EGFLAM: variants seen among roughly 807,000 people sequenced by gnomAD.
EGFLAM encodes pikachurin.
In EGFLAM, 79 loss-of-function variants were observed where a neutral mutation model predicts 113.1. The observed-to-expected ratio is 0.70, with a 90% confidence interval of 0.58 to 0.84. The LOEUF is 0.84. EGFLAM is among the 40% of genes least tolerant of loss of function. EGFLAM has a pLI of 0.00. For synonymous variants in EGFLAM, 504 were observed against 487.6 expected (o/e 1.03, Z -0.44); for missense variants, 1,265 against 1,291.6 (o/e 0.98, Z 0.32).
intron 5 of EGFLAM, among the ~76,000 whole-genome samples, chr5:38,359,111 G>A (rs1209935553): frequency 6.6e-6 from 1 of 152,172 alleles, no homozygotes; most frequent in Non-Finnish European, 1.5e-5. Flanking sequence ...CCCAGGGTAA[G>A]TGCCTTTCTC....
intron 1 of EGFLAM, among the ~76,000 whole-genome samples, chr5:38,265,300 G>T (rs764550026): frequency 3.3e-5 from 5 of 152,160 alleles, no homozygotes; most frequent in Non-Finnish European, 5.9e-5. Flanking sequence ...AGCATCCGAG[G>T]CTGAGGTGGG....
At chr5:38,390,047 G>A (rs375278374) in intron 6 of EGFLAM, among the ~76,000 whole-genome samples, 1 of 152,160 alleles carries the variant, frequency 6.6e-6, no homozygotes, top group African/African-American at 2.4e-5. Flanking sequence ...ATCTTAATAG[G>A]TGCCACATTT....
intron 6 of EGFLAM, among the ~76,000 whole-genome samples, chr5:38,373,798 A>G (rs936270699): frequency 6.6e-6 from 1 of 152,122 alleles, no homozygotes; most frequent in Non-Finnish European, 1.5e-5. Flanking sequence ...TTGCTGGCTC[A>G]GTGGTAGTTA....
chr5:38,400,116 G>A (rs1199336802), intron 6 of EGFLAM: 1 of 152,174 alleles, frequency 6.6e-6, no homozygotes, highest in Non-Finnish European at 1.5e-5. Flanking sequence ...ACAAGACCCA[G>A]AGAGATGAAG....
At chr5:38,349,439 C>T (rs1739557349) in intron 3 of EGFLAM, among the ~76,000 whole-genome samples, 1 of 152,160 alleles carries the variant, frequency 6.6e-6, no homozygotes, top group Admixed American at 6.5e-5. Flanking sequence ...CTGCTTTACA[C>T]ACAGTATCTC....
rs148431357 is a variant in EGFLAM at position 38,416,729 on chromosome 5, T to A, written c.1495-1337T>A. Among the ~76,000 whole-genome samples, 358 of 152,322 alleles carry A rather than the reference T, an allele frequency of 2.4e-3. 2 individuals are homozygous for A. The highest frequency in any genetic ancestry group is 8.0e-3 in the African/African-American group (331 of 41,570). On this transcript the variant is annotated intron_variant, in intron 11 of 21. Coordinates refer to ENST00000322350, the MANE Select transcript of EGFLAM (RefSeq NM_152403.4). Reference sequence around the variant, plus strand: ...GATGGGATCCAGAAGAAGTGAATTCTGAGAATCTTGGTGAAAGAAGCCAAG... The same window carrying A: ...GATGGGATCCAGAAGAAGTGAATTCAGAGAATCTTGGTGAAAGAAGCCAAG...
intron 6 of EGFLAM, among the ~76,000 whole-genome samples, chr5:38,393,903 G>T (rs1740883377): frequency 6.6e-6 from 1 of 152,190 alleles, no homozygotes; most frequent in African/African-American, 2.4e-5. Flanking sequence ...GGAAGAATCA[G>T]GTCACACAAA....
chr5:38,335,368 C>A (rs911587783), intron 1 of EGFLAM, among the ~76,000 whole-genome samples: 1 of 152,122 alleles, frequency 6.6e-6, no homozygotes, highest in Non-Finnish European at 1.5e-5. Flanking sequence ...AATGTACATG[C>A]GTGCTCTGAA....
At position 38,350,616 on chromosome 5, in the gene EGFLAM, A is replaced by G; in HGVS notation, c.407A>G (p.Gln136Arg). The change falls in exon 4 of 22, where the codon CAA becomes CGA. Residue 136 changes from glutamine to arginine, a missense_variant and splice_region_variant. By Grantham distance (43) the Gln-to-Arg change is conservative. Transcript: ENST00000322350. ...CCTCGGCATGTCACCACTTTGTCCC[A>G]AGGTAAAGTAGGTTCAAATTCATTA... ...SSPRHVTTLS[Q>R]DSCLPPAAPQ... The G allele has an allele frequency of 6.2e-7, 1 of 1,612,984 alleles. No individual in the cohort carries two copies. The highest frequency in any genetic ancestry group is 8.5e-7 in the Non-Finnish European group (1 of 1,179,672).
chr5:38,401,189 C>T (rs986276658), intron 6 of EGFLAM: 22 of 152,218 alleles, frequency 1.4e-4, no homozygotes, highest in African/African-American at 5.3e-4. Flanking sequence ...TGGTCCTTTT[C>T]TCTGAGGAGT....
At chr5:38,456,587 G>A (rs207465935) in intron 19 of EGFLAM, among the ~76,000 whole-genome samples, 2 of 152,170 alleles carry the variant, frequency 1.3e-5, no homozygotes, top group African/African-American at 2.4e-5. Context: ...GGTTTGTCAA[G>A]TCACCCCAAG....
intron 6 of EGFLAM, among the ~76,000 whole-genome samples, chr5:38,375,511 G>A (rs1740343106): frequency 6.6e-6 from 1 of 152,172 alleles, no homozygotes; most frequent in Non-Finnish European, 1.5e-5. Context: ...CAAGGACACA[G>A]GCCACTCCCT....
intron 18 of EGFLAM, among the ~76,000 whole-genome samples, chr5:38,450,106 A>G (rs1742863064): frequency 6.6e-6 from 1 of 152,222 alleles, no homozygotes; most frequent in Non-Finnish European, 1.5e-5. Context: ...CAAAAGGGAT[A>G]TGATTGTGTC....
intron 1 of EGFLAM, among the ~76,000 whole-genome samples, chr5:38,266,075 C>T (rs71621860): frequency 0.13 from 19,999 of 152,220 alleles, 1,503 homozygotes; most frequent in Non-Finnish European, 0.17. Flanking sequence ...TCTAAGCTGA[C>T]CGGTGAAAGA....
intron 1 of EGFLAM, among the ~76,000 whole-genome samples, chr5:38,330,288 G>A (rs1458674579): frequency 1.3e-5 from 2 of 152,298 alleles, no homozygotes; most frequent in East Asian, 1.9e-4. Context: ...CCGGAGTGAG[G>A]TGGAGGCCAT....
chr5:38,418,246 G>A lies in EGFLAM; in HGVS notation c.1675G>A (p.Ala559Thr). 6.2e-7 allele frequency: 1 copy of A among 1,614,090 alleles called. No homozygotes were observed. The highest frequency in any genetic ancestry group is 8.5e-7 in the Non-Finnish European group (1 of 1,179,980). ...PWPLGKALSG[A>T]DVGECSSGIC... ...GCCCCTGGGAAAAGCACTCAGTGGG[G>A]CTGATGTGGGTAAGTGGCTGCCTGG... Residue 559 changes from alanine (A) to threonine (T), a missense_variant, in exon 12 of 22, where the codon GCT becomes ACT. Physicochemically the swap from Ala to Thr is moderately conservative, Grantham distance 58. Transcript: ENST00000322350.
At position 38,464,391 on chromosome 5, in the gene EGFLAM, T is replaced by C. The variant is rs78558179; in HGVS notation, c.*405T>C. On this transcript the variant is annotated 3_prime_UTR_variant, in exon 22 of 22. Transcript: ENST00000322350. ...TAAAATACTTCTCTCCTTCCCTGAC[T>C]CATGACACTCTTCCTGACAGCAGAA... 3,836 of 180,202 alleles carry C rather than the reference T, an allele frequency of 0.021. 156 individuals carry two copies. The highest frequency in any genetic ancestry group is 0.083 in the African/African-American group (3,552 of 42,608). 11.2% of individuals were successfully genotyped at this position (180,202 alleles called of 1,614,324 possible). A position where few individuals can be genotyped will look rare whatever the true frequency, so the allele number is the denominator to read the frequency against.
intron 18 of EGFLAM, among the ~76,000 whole-genome samples, chr5:38,450,456 G>A (rs1464873271): frequency 6.6e-6 from 1 of 152,202 alleles, no homozygotes; most frequent in Admixed American, 6.5e-5. Flanking sequence ...CCAGGTGTGT[G>A]AGACAGACAG....
At chr5:38,383,396 C>T (rs1345756142) in intron 6 of EGFLAM, among the ~76,000 whole-genome samples, 1 of 145,914 alleles carries the variant, frequency 6.9e-6, no homozygotes, top group African/African-American at 2.5e-5. Flanking sequence ...AGAAAGGCTA[C>T]AAACAAATTT....
Sources: gnomAD v4.1 joint callset for allele counts (sites outside exome capture counted in the v4.1 genomes callset) on GRCh38, gnomAD v4.1.1 for gene constraint, MANE v1.5 for transcripts, NCBI Gene and HGNC (gene_info 2026-07-23, HGNC 2026-07-21) for gene names.